Variants in COL14A1 observed in about 807,000 individuals in gnomAD.
COL14A1 encodes collagen alpha-1(XIV) chain.
COL14A1 carries 136 observed loss-of-function variants against 230.3 expected under a neutral mutation model. The ratio of observed to expected loss-of-function variants is 0.59; its 90% CI spans 0.51 to 0.68. The LOEUF is 0.68. Among genes scored for constraint, COL14A1 ranks in the 30% least tolerant of loss-of-function variants. The pLI is 0.00. For missense variants in COL14A1, 1,976 were observed against 2,215.8 expected, an observed-to-expected ratio of 0.89 and a Z score of 2.17; for synonymous variants, 792 against 784.1, an observed-to-expected ratio of 1.01 and a Z score of -0.17.
At chr8:120,149,217 T>C (rs999627538) in intron 2 of COL14A1, among the ~76,000 whole-genome samples, 3 of 152,220 alleles carry the variant, frequency 2.0e-5, no homozygotes, top group African/African-American at 7.2e-5. Flanking sequence ...TAATGTCTAA[T>C]GTTTGGCATT....
chr8:120,188,293 G>C (rs1252836992), intron 5 of COL14A1, among the ~76,000 whole-genome samples: 1 of 152,070 alleles, frequency 6.6e-6, no homozygotes, highest in Non-Finnish European at 1.5e-5. Context: ...TGTTAGCCAG[G>C]CTGGTCTTGA....
At chr8:120,255,654 T>A (rs1312020791) in intron 23 of COL14A1, among the ~76,000 whole-genome samples, 1 of 152,208 alleles carries the variant, frequency 6.6e-6, no homozygotes, top group Admixed American at 6.5e-5. Flanking sequence ...TAGTGCTTTG[T>A]GCACTGGAAG....
At chr8:120,173,935 A>G (rs970529091) in intron 5 of COL14A1, among the ~76,000 whole-genome samples, 34 of 152,216 alleles carry the variant, frequency 2.2e-4, no homozygotes, top group African/African-American at 6.3e-4. Flanking sequence ...TCTAAGGTAT[A>G]TCATATCTGT....
chr8:120,353,677 A>C (rs1187687873), intron 45 of COL14A1, among the ~76,000 whole-genome samples: 3 of 150,282 alleles, frequency 2.0e-5, no homozygotes, highest in Non-Finnish European at 4.5e-5. Flanking sequence ...AATGCAAATC[A>C]AAACCACAAT....
intron 2 of COL14A1, 28 bp downstream of exon 2, chr8:120,147,958 G>A: frequency 6.9e-7 from 1 of 1,439,192 alleles, no homozygotes; most frequent in Non-Finnish European, 9.7e-7. Flanking sequence ...GAATCAGTAG[G>A]GTCTGGGACT....
At chr8:120,317,620 G>A (rs1821280533) in intron 40 of COL14A1, among the ~76,000 whole-genome samples, 1 of 152,194 alleles carries the variant, frequency 6.6e-6, no homozygotes, top group African/African-American at 2.4e-5. Context: ...CAATTCTAAA[G>A]ATTTAGTTCG....
At chr8:120,275,073 A>C (rs2129857176) in intron 26 of COL14A1, among the ~76,000 whole-genome samples, 1 of 152,124 alleles carries the variant, frequency 6.6e-6, no homozygotes, top group East Asian at 1.9e-4. Flanking sequence ...TGGAGGCATC[A>C]CATTACCTGA....
At chr8:120,345,923 T>C (rs1354976971) in intron 45 of COL14A1, among the ~76,000 whole-genome samples, 2 of 152,208 alleles carry the variant, frequency 1.3e-5, no homozygotes, top group African/African-American at 4.8e-5. Context: ...TGACCAAACA[T>C]GGCATCACAC....
intron 3 of COL14A1, among the ~76,000 whole-genome samples, chr8:120,159,570 ATTG>A (rs1815590288): frequency 6.6e-6 from 1 of 152,180 alleles, no homozygotes; most frequent in African/African-American, 2.4e-5. Flanking sequence ...CAGATGCTGT[ATTG>A]TTCATTAATG....
intron 38 of COL14A1, 58 bp downstream of exon 38, chr8:120,314,085 A>T (rs1821130458): frequency 7.9e-7 from 1 of 1,259,732 alleles, no homozygotes; most frequent in Non-Finnish European, 1.1e-6. Context: ...CCATGAGGTT[A>T]CAAAGAATGA....
At chr8:120,215,373 A>G (rs1586773224) in intron 13 of COL14A1, among the ~76,000 whole-genome samples, 1 of 151,850 alleles carries the variant, frequency 6.6e-6, no homozygotes, top group South Asian at 2.1e-4. Context: ...TCTGTCAGAA[A>G]GAAAGAAAGA....
chr8:120,347,559 A>G (rs1482837256), intron 45 of COL14A1, among the ~76,000 whole-genome samples: 1 of 152,198 alleles, frequency 6.6e-6, no homozygotes, highest in East Asian at 1.9e-4. Context: ...CAAGGTAGGC[A>G]GTGATGTTTG....
intron 5 of COL14A1, among the ~76,000 whole-genome samples, chr8:120,194,798 C>G (rs1416178246): frequency 6.6e-6 from 1 of 152,146 alleles, no homozygotes; most frequent in Non-Finnish European, 1.5e-5. Flanking sequence ...TTGAGAGTAA[C>G]TTTTCCCCAT....
intron 1 of COL14A1, among the ~76,000 whole-genome samples, chr8:120,129,221 T>C (rs1477973652): frequency 3.9e-5 from 6 of 152,260 alleles, no homozygotes; most frequent in Non-Finnish European, 8.8e-5. Context: ...AAATAAAGAT[T>C]ACTACTATAG....
chr8:120,262,557 G>C (rs1192038578), intron 23 of COL14A1, among the ~76,000 whole-genome samples: 3 of 152,140 alleles, frequency 2.0e-5, no homozygotes, highest in African/African-American at 2.4e-5. Context: ...CTGTCCAAAA[G>C]ATCAGTTAGG....
chr8:120,220,056 T>C (rs1436212366), intron 14 of COL14A1, among the ~76,000 whole-genome samples: 1 of 152,152 alleles, frequency 6.6e-6, no homozygotes, highest in Non-Finnish European at 1.5e-5. Flanking sequence ...GGTTGCTGGA[T>C]AAGCATCTTT....
intron 34 of COL14A1, among the ~76,000 whole-genome samples, chr8:120,297,097 G>C (rs1237252800): frequency 6.6e-6 from 1 of 151,872 alleles, no homozygotes. Flanking sequence ...TATTATGATA[G>C]GTGACCTAAA....
chr8:120,143,617 C>G (rs781424899), intron 1 of COL14A1, among the ~76,000 whole-genome samples: 8 of 151,914 alleles, frequency 5.3e-5, no homozygotes, highest in African/African-American at 1.7e-4. Context: ...GGCAACAGAG[C>G]GAGACTCCAT....
At chr8:120,131,689 T>C (rs886515039) in intron 1 of COL14A1, among the ~76,000 whole-genome samples, 3 of 152,108 alleles carry the variant, frequency 2.0e-5, no homozygotes, top group Non-Finnish European at 4.4e-5. Flanking sequence ...TAGTTTCTTT[T>C]GCTATTCAGA....
Sources: gnomAD v4.1 joint callset for allele counts (sites outside exome capture counted in the v4.1 genomes callset) on GRCh38, gnomAD v4.1.1 for gene constraint, MANE v1.5 for transcripts, NCBI Gene and HGNC (gene_info 2026-07-23, HGNC 2026-07-21) for gene names.